PHLDB1: variants seen among roughly 807,000 people sequenced by gnomAD.
PHLDB1 encodes pleckstrin homology-like domain family B member 1.
Under a neutral mutation model 139.3 loss-of-function variants are expected in PHLDB1, and 65 were observed. The ratio of observed to expected loss-of-function variants is 0.47; its 90% CI spans 0.38 to 0.57. The LOEUF (loss-of-function observed/expected upper bound fraction) is 0.57. Ranked by LOEUF, PHLDB1 falls within the 20% of genes least tolerant of loss-of-function variation. The pLI is 0.00. For missense variants in PHLDB1, 1,624 were observed against 1,839.7 expected (o/e 0.88, Z 2.14); for synonymous variants, 679 against 734.5 (o/e 0.92, Z 1.22).
At chr11:118,616,006 C>T (rs1941566007) in intron 3 of PHLDB1, 35 bp from the exon 4 acceptor site, 2 of 1,581,528 alleles carry the variant, frequency 1.3e-6, no homozygotes, top group African/African-American at 1.3e-5. Flanking sequence ...TCAGCCTGGA[C>T]AACCCCTCTG....
rs1417604179 is a variant in PHLDB1, at chr11:118,650,122, G to C, written c.3700G>C (p.Asp1234His). 12 of 1,614,088 alleles carry C rather than the reference G, an allele frequency of 7.4e-6. No homozygotes were observed. Among genetic ancestry groups the C allele is most frequent in the Non-Finnish European group, 1.0e-5 (12 of 1,180,036 alleles). Residue 1234 changes from aspartate (D) to histidine (H), a missense_variant, in exon 19 of 23, where the codon GAC becomes CAC. Transcript: ENST00000600882. This position sits in a 1 kb window ranked among gnomAD's most constrained non-coding sequence, Gnocchi z 4.7. ...RYLPIRKEDF[D>H]LKTHIESSGH... is the part of the protein sequence containing the mutation. ...CCTGCCAATCCGGAAGGAGGACTTT[G>C]ACCTGAAGACACATATTGAGTCATC... is the stretch of plus-strand genomic sequence containing the variant.
upstream of PHLDB1, chr11:118,606,502 A>C (rs555552976): frequency 2.0e-5 from 3 of 152,420 alleles, no homozygotes; most frequent in Non-Finnish European, 4.4e-5. Context: ...ATTTTTTGCT[A>C]TCCACCCCAG....
chr11:118,643,602 G>T (rs1022894765), intron 13 of PHLDB1, 198 bp from the exon 14 acceptor site: 19 of 985,282 alleles, frequency 1.9e-5, no homozygotes, highest in Middle Eastern at 5.2e-4. Context: ...GCCCAGGGAG[G>T]AACAGCCTGG....
intron 6 of PHLDB1, 108 bp from the exon 7 acceptor site, chr11:118,631,099 G>T: frequency 1.0e-6 from 1 of 991,346 alleles, no homozygotes; most frequent in East Asian, 2.9e-5. Flanking sequence ...TGATGTCCTA[G>T]CCCCCTGTAA....
In PHLDB1 at chr11:118,628,439, G is replaced by A; in HGVS notation, c.1616G>A (p.Ser539Asn). Reference protein sequence around the residue: ...PHKGSFSGRLSPAYSLGSLTG... With the variant: ...PHKGSFSGRLNPAYSLGSLTG... Reference sequence around the variant, plus strand: ...AAGGGCAGCTTCAGTGGCAGGCTGAGCCCAGCCTACAGTCTGGGCTCTCTT... The same window carrying A: ...AAGGGCAGCTTCAGTGGCAGGCTGAACCCAGCCTACAGTCTGGGCTCTCTT... The change falls in exon 6 of 23, where the codon AGC becomes AAC. Residue 539 changes from serine to asparagine, a missense_variant. Physicochemically the swap from Ser to Asn is conservative, Grantham distance 46. Transcript: ENST00000600882. The A allele has an allele frequency of 1.2e-6, 2 of 1,610,042 alleles. No individual in the cohort carries two copies. Among genetic ancestry groups the A allele is most frequent in the Non-Finnish European group, 1.7e-6 (2 of 1,178,678 alleles).
At chr11:118,614,742 T>C (rs919069778) in intron 3 of PHLDB1, 60 bp downstream of exon 3, 5 of 1,562,948 alleles carry the variant, frequency 3.2e-6, no homozygotes, top group Non-Finnish European at 3.5e-6. Context: ...ATTCCTGCCC[T>C]GGAGGCCCAC....
intron 4 of PHLDB1, among the ~76,000 whole-genome samples, chr11:118,622,541 A>G (rs1008852111): frequency 6.6e-6 from 1 of 152,086 alleles, no homozygotes; most frequent in Non-Finnish European, 1.5e-5. Flanking sequence ...ACACACAGCT[A>G]TAGGGGCCCA....
rs782333386 is a variant in PHLDB1, at chr11:118,645,525, G to C, written c.3291G>C (p.Ala1097=). 10 of 1,612,834 alleles carry C rather than the reference G, an allele frequency of 6.2e-6. No individual in the cohort carries two copies. The highest frequency in any genetic ancestry group is 1.7e-6 in the Non-Finnish European group (2 of 1,179,508). The change falls in exon 16 of 23, where the codon GCG becomes GCC. Residue 1097 remains alanine (A), a synonymous_variant. Coordinates refer to ENST00000600882, the MANE Select transcript of PHLDB1 (RefSeq NM_001144758.3). This position sits in a 1 kb window ranked among gnomAD's most constrained non-coding sequence, Gnocchi z 5.1. ...ACTCTATCCTACACCACCTGCCTGC[G>C]GGGCGGGAGCGTGGGGAGGAGGGTG... ...MHHSILHHLP[A]GRERGEEGEH...
At chr11:118,614,732 A>G (rs1555087422) in intron 3 of PHLDB1, 50 bp downstream of exon 3, 3 of 1,587,578 alleles carry the variant, frequency 1.9e-6, no homozygotes, top group African/African-American at 1.3e-5. Flanking sequence ...CCTTATAGGC[A>G]TTCCTGCCCT....
In PHLDB1 at chr11:118,610,812, G is replaced by A. The variant is rs1386437141; in HGVS notation, c.-21-3004G>A. Among the ~76,000 whole-genome samples the A allele has an allele frequency of 6.6e-6, 1 of 152,216 alleles. No individual in the cohort carries two copies. Among genetic ancestry groups the A allele is most frequent in the Non-Finnish European group, 1.5e-5 (1 of 68,024 alleles). On this transcript the variant is annotated intron_variant, in intron 1 of 22. Transcript: ENST00000600882. The surrounding 1 kb of genome is among the most constrained non-coding windows in gnomAD (Gnocchi z 8.7). ...GGGGTGTCGGCGCATTCCCGCGGGGGAGGAGGCCGAGGGCCCGGGCCGGGG... is the reference window on the plus strand; with the variant it reads ...GGGGTGTCGGCGCATTCCCGCGGGGAAGGAGGCCGAGGGCCCGGGCCGGGG...
At position 118,628,302 on chromosome 11, in the gene PHLDB1, G is replaced by A. The variant is rs781828554; in HGVS notation, c.1479G>A (p.Arg493=). The change falls in exon 6 of 23, where the codon CGG becomes CGA. Residue 493 remains arginine, a synonymous_variant. Transcript: ENST00000600882. ...AAGTGGCAGAGAGTCCTCGGCCCCG[G>A]CGCTGGGCAGCCCATGGGGCTTCAC... is the stretch of plus-strand genomic sequence containing the variant. ...NREVAESPRP[R]RWAAHGASPE... is the part of the protein sequence containing the mutation. 3.7e-6 allele frequency: 6 copies of A among 1,613,836 alleles called. No homozygotes were observed. The highest frequency in any genetic ancestry group is 5.1e-6 in the Non-Finnish European group (6 of 1,179,922).
chr11:118,615,548 G>A, intron 3 of PHLDB1: 1 of 154,280 alleles, frequency 6.5e-6, no homozygotes, highest in Non-Finnish European at 1.4e-5. Flanking sequence ...TCTTGCTGCA[G>A]TTAGGGGAGA....
At chr11:118,642,046 C>A in intron 12 of PHLDB1, 7 of 513,876 alleles carry the variant, frequency 1.4e-5, no homozygotes, top group Admixed American at 5.8e-5. Context: ...TTTCTTGATG[C>A]TCTCCTTTCT....
chr11:118,648,173 T>A lies in PHLDB1; in HGVS notation c.3654+97T>A, dbSNP rs1372331956. ...GGTTTCTGTGTTGGGCTGTAAAACCTGTTCTACTCCAGAAAAGATTGCTGT... is the reference window on the plus strand; with the variant it reads ...GGTTTCTGTGTTGGGCTGTAAAACCAGTTCTACTCCAGAAAAGATTGCTGT... On this transcript the variant is annotated intron_variant, in intron 18 of 22. Transcript: ENST00000600882. 7 of 1,225,498 alleles carry A rather than the reference T, an allele frequency of 5.7e-6. No homozygotes were observed. The Admixed American group carries it at 1.3e-4, about 23-fold the overall frequency. The allele number at this position is 1,225,498 out of a possible 1,614,324, so 75.9% of individuals were successfully genotyped here.
chr11:118,632,345 GAGA>G lies in PHLDB1; in HGVS notation c.2379+52_2379+54del. 1.9e-6 allele frequency: 3 copies of G among 1,595,346 alleles called. No individual in the cohort carries two copies. The highest frequency in any genetic ancestry group is 2.6e-6 in the Non-Finnish European group (3 of 1,165,110). ...AGTGCTGGGTACCAGTGGCCTGGGAGAGAAGGAGAAATGTCTTCTCTGGGGCCC... is the reference window on the plus strand; with the variant it reads ...AGTGCTGGGTACCAGTGGCCTGGGAGAGGAGAAATGTCTTCTCTGGGGCCC... On this transcript the variant is annotated intron_variant, in intron 9 of 22. Transcript: ENST00000600882. The surrounding 1 kb of genome is among the most constrained non-coding windows in gnomAD (Gnocchi z 5.9).
At chr11:118,647,695 G>A in intron 17 of PHLDB1, 1 of 433,342 alleles carries the variant, frequency 2.3e-6, no homozygotes, top group Non-Finnish European at 4.1e-6. Flanking sequence ...GATTTTATCA[G>A]GATCACAGAG....
At chr11:118,619,105 G>A (rs1409589494) in intron 4 of PHLDB1, among the ~76,000 whole-genome samples, 5 of 152,174 alleles carry the variant, frequency 3.3e-5, no homozygotes, top group African/African-American at 1.2e-4. Context: ...GGAATGAGGA[G>A]GAATCTCAAT....
Position 118,613,881 on chromosome 11 carries a change from C to G in PHLDB1, c.45C>G (p.Thr15=). ...ACCAAATAGGCCCTGGATGCCAGAC[C>G]CAGACCATGGTGCAGGTGAGTGGGA... is the stretch of plus-strand genomic sequence containing the variant. ...NRNQIGPGCQ[T]QTMVQKGPLD... The change falls in exon 2 of 23, where the codon ACC becomes ACG. Residue 15 remains threonine (T), a synonymous_variant. Coordinates refer to ENST00000600882, the MANE Select transcript of PHLDB1 (RefSeq NM_001144758.3). 1.2e-6 allele frequency: 2 copies of G among 1,609,078 alleles called. No individual in the cohort carries two copies. Among genetic ancestry groups the G allele is most frequent in the Non-Finnish European group, 1.7e-6 (2 of 1,175,818 alleles).
chr11:118,642,361 G>A lies in PHLDB1; in HGVS notation c.2844G>A (p.Pro948=), dbSNP rs782159532. 21 of 1,610,392 alleles carry A rather than the reference G, an allele frequency of 1.3e-5. No individual in the cohort carries two copies. Among genetic ancestry groups the A allele is most frequent in the South Asian group, 4.4e-5 (4 of 91,072 alleles). Residue 948 remains proline, a synonymous_variant, in exon 13 of 23, where the codon CCG becomes CCA. Transcript: ENST00000600882. ...CAGCCTCCCCTCACTCTTCTCCCCC[G>A]CCTCTGCCCGCCAAAGCTTCCCGTC... ...PAAASPHSSP[P]PLPAKASRQL...
Sources: gnomAD v4.1 joint callset for allele counts (sites outside exome capture counted in the v4.1 genomes callset) on GRCh38, gnomAD v4.1.1 for gene constraint, Gnocchi (gnomAD v3.1) non-coding constraint, MANE v1.5 for transcripts, NCBI Gene and HGNC (gene_info 2026-07-23, HGNC 2026-07-21) for gene names.